COL10A1: variants seen among roughly 807,000 people sequenced by gnomAD.
COL10A1 encodes the protein collagen alpha-1(X) chain.
A neutral mutation model predicts 18.2 loss-of-function variants in COL10A1; 10 were observed. That is an observed-to-expected ratio of 0.55 (90% CI 0.34 to 0.93). The LOEUF is 0.93. COL10A1 is among the 40% of genes least tolerant of loss of function. The pLI, the probability that COL10A1 is intolerant of heterozygous loss-of-function variation, is 0.02. For missense variants in COL10A1, 897 were observed against 853.5 expected (o/e 1.05, Z -0.64); for synonymous variants, 330 against 316.6 (o/e 1.04, Z -0.45).
At chr6:116,154,685 G>T (rs57462936) in intron 1 of COL10A1, among the ~76,000 whole-genome samples, 2 of 152,110 alleles carry the variant, frequency 1.3e-5, no homozygotes, top group Admixed American at 6.6e-5. Context: ...TTCTCCCTGA[G>T]AAATATTTGG....
the COL10A1 span, among the ~76,000 whole-genome samples, chr6:116,198,870 T>A: frequency 1.3e-5 from 2 of 152,038 alleles, no homozygotes; most frequent in Non-Finnish European, 2.9e-5. Context: ...TCCATGGTGA[T>A]CCCTCATAGC....
the COL10A1 span, among the ~76,000 whole-genome samples, chr6:116,193,058 A>G: frequency 1.3e-5 from 2 of 152,124 alleles, no homozygotes; most frequent in African/African-American, 2.4e-5. Context: ...CTAAAGCTGT[A>G]CAGAATAGCT....
chr6:116,171,393 C>G, the COL10A1 span, among the ~76,000 whole-genome samples: 1 of 152,076 alleles, frequency 6.6e-6, no homozygotes, highest in Non-Finnish European at 1.5e-5. Flanking sequence ...CATTTGTAAT[C>G]TATTTGTCAG....
chr6:116,170,265 G>A, the COL10A1 span, among the ~76,000 whole-genome samples: 1 of 152,146 alleles, frequency 6.6e-6, no homozygotes, highest in Non-Finnish European at 1.5e-5. Context: ...TGATTGGGGG[G>A]TGTGACCTGA....
chr6:116,193,033 G>A, the COL10A1 span, among the ~76,000 whole-genome samples: 1 of 151,996 alleles, frequency 6.6e-6, no homozygotes, highest in Non-Finnish European at 1.5e-5. Flanking sequence ...TCCTTTTTAT[G>A]TAAATGCAGC....
chr6:116,209,575 T>C, the COL10A1 span, among the ~76,000 whole-genome samples: 2 of 151,956 alleles, frequency 1.3e-5, no homozygotes, highest in African/African-American at 4.8e-5. Context: ...TGGGGAGGGC[T>C]CCTCATAGAA....
intron 1 of COL10A1, among the ~76,000 whole-genome samples, chr6:116,155,536 C>CTA (rs921565612): frequency 1.1e-4 from 17 of 152,082 alleles, no homozygotes; most frequent in African/African-American, 4.1e-4. Context: ...AGCAAACAAT[C>CTA]TAAACAATTT....
the COL10A1 span, among the ~76,000 whole-genome samples, chr6:116,191,567 A>G: frequency 6.6e-6 from 1 of 152,082 alleles, no homozygotes; most frequent in Non-Finnish European, 1.5e-5. Context: ...ATACCTTAAA[A>G]TAGCCACATC....
At chr6:116,126,831 T>A (rs1358296623), upstream of COL10A1, among the ~76,000 whole-genome samples, 1 of 152,154 alleles carries the variant, frequency 6.6e-6, no homozygotes, top group Admixed American at 6.5e-5. Context: ...GAAAAAAATT[T>A]TCAAACTTTG....
chr6:116,128,225 G>T (rs574287557), upstream of COL10A1, among the ~76,000 whole-genome samples: 1 of 152,030 alleles, frequency 6.6e-6, no homozygotes, highest in Admixed American at 6.6e-5. Flanking sequence ...AACCCTTTTT[G>T]CAAATAGTGT....
In COL10A1 at chr6:116,121,017, C is replaced by G. The variant is rs199891846; in HGVS notation, c.1099G>C (p.Ala367Pro). ...LPGPKGETGP[A>P]GPAGYPGAKG... ...GCCCCAGGGTATCCTGCAGGCCCAG[C>G]TGGCCCTGTCTCACCTTTAGGGCCT... The change falls in exon 3 of 3, where the codon GCT becomes CCT. Residue 367 changes from alanine to proline, a missense_variant. Transcript: ENST00000651968. 6.2e-7 allele frequency: 1 copy of G among 1,613,970 alleles called. No homozygotes were observed. The highest frequency in any genetic ancestry group is 2.2e-5 in the East Asian group (1 of 44,864).
At position 116,133,855 on chromosome 6, in the gene COL10A1, A is replaced by G. The variant is rs150533141; in HGVS notation, c.-15-8348T>C. 1.1e-3 allele frequency among the ~76,000 whole-genome samples: 164 copies of G among 152,290 alleles called. 1 individual carries two copies. The highest frequency in any genetic ancestry group is 3.8e-3 in the African/African-American group (156 of 41,572). On this transcript the variant is annotated intron_variant, in intron 1 of 1. Transcript: ENST00000418500. ...CTTTCATATTTTAAAGGTAATTGCT[A>G]TTTGGGAAAAATGTAACAAATAGAA... is the stretch of plus-strand genomic sequence containing the variant.
the COL10A1 span, among the ~76,000 whole-genome samples, chr6:116,184,103 T>C: frequency 2.0e-5 from 3 of 152,176 alleles, no homozygotes; most frequent in East Asian, 5.8e-4. Context: ...AGGGTTTTAA[T>C]CATAAAGAGA....
At chr6:116,161,247 C>T (rs1429801474), upstream of COL10A1, among the ~76,000 whole-genome samples, 5 of 150,148 alleles carry the variant, frequency 3.3e-5, no homozygotes, top group South Asian at 2.1e-4. Context: ...TGCTAGATGA[C>T]GAGTTAGTGG....
chr6:116,195,471 C>G, the COL10A1 span, among the ~76,000 whole-genome samples: 1 of 151,802 alleles, frequency 6.6e-6, no homozygotes, highest in Non-Finnish European at 1.5e-5. Flanking sequence ...CAAATTGTGA[C>G]CAAATCATTA....
chr6:116,186,674 G>T, the COL10A1 span, among the ~76,000 whole-genome samples: 18 of 152,066 alleles, frequency 1.2e-4, no homozygotes, highest in Non-Finnish European at 2.5e-4. Context: ...CTGTTGCTGC[G>T]AGTTTCCAGT....
chr6:116,208,966 T>C, the COL10A1 span, among the ~76,000 whole-genome samples: 3 of 151,930 alleles, frequency 2.0e-5, no homozygotes, highest in Admixed American at 2.0e-4. Flanking sequence ...TACATAAAGG[T>C]ATTTATGTTG....
At chr6:116,190,883 A>G in the COL10A1 span, among the ~76,000 whole-genome samples, 1 of 152,028 alleles carries the variant, frequency 6.6e-6, no homozygotes, top group Non-Finnish European at 1.5e-5. Flanking sequence ...TGGTGCTTCT[A>G]CATGGCTCTC....
At chr6:116,215,804 T>A in the COL10A1 span, among the ~76,000 whole-genome samples, 2 of 152,116 alleles carry the variant, frequency 1.3e-5, no homozygotes, top group African/African-American at 4.8e-5. Flanking sequence ...GGTAAACTAT[T>A]ACAATACATA....
Sources: allele counts gnomAD v4.1 joint callset (sites outside exome capture counted in the v4.1 genomes callset), GRCh38; gene constraint gnomAD v4.1.1; transcripts MANE v1.5; gene names NCBI Gene and HGNC (gene_info 2026-07-23, HGNC 2026-07-21).